The following KCNC2 variants were observed in gnomAD, a reference collection of about 807,000 sequenced individuals.
KCNC2 encodes the protein voltage-gated potassium channel KCNC2.
A neutral mutation model predicts 44.5 loss-of-function variants in KCNC2; 21 were observed. That is an observed-to-expected ratio of 0.47 (90% confidence interval 0.33 to 0.68). The LOEUF (loss-of-function observed/expected upper bound fraction) is 0.68. Among genes scored for constraint, KCNC2 ranks in the 30% least tolerant of loss-of-function variants. The pLI, the probability that KCNC2 is intolerant of heterozygous loss-of-function variation, is 0.01. For synonymous variants in KCNC2, 391 were observed against 339.1 expected (o/e 1.15, Z -1.68); for missense variants, 589 against 826.2 (o/e 0.71, Z 3.52).
At chr12:75,123,269 T>C (rs1333170106) in intron 2 of KCNC2, among the ~76,000 whole-genome samples, 1 of 152,170 alleles carries the variant, frequency 6.6e-6, no homozygotes. Context: ...TCAGCTAGTT[T>C]AATTGGCTTA....
intron 2 of KCNC2, among the ~76,000 whole-genome samples, chr12:75,091,634 T>C (rs971905461): frequency 6.6e-6 from 1 of 151,740 alleles, no homozygotes; most frequent in African/African-American, 2.4e-5. Flanking sequence ...TAGGTTTTTG[T>C]TTAGTTTATT....
intron 2 of KCNC2, among the ~76,000 whole-genome samples, chr12:75,194,855 G>T (rs2030619678): frequency 6.6e-6 from 1 of 152,040 alleles, no homozygotes; most frequent in Admixed American, 6.6e-5. Context: ...ACAAGAAAAT[G>T]GTGTGGTATA....
At chr12:75,151,279 C>T (rs901825218) in intron 2 of KCNC2, among the ~76,000 whole-genome samples, 19 of 152,072 alleles carry the variant, frequency 1.2e-4, no homozygotes, top group Middle Eastern at 3.4e-3. Context: ...AAATAAAGTG[C>T]TCCCCTGAGA....
chr12:75,202,637 T>C lies in KCNC2; in HGVS notation c.687+4660A>G, dbSNP rs764820837. 2.1e-4 allele frequency among the ~76,000 whole-genome samples: 32 copies of C among 151,810 alleles called. 1 individual carries two copies. The highest frequency in any genetic ancestry group is 1.9e-3 in the Admixed American group (29 of 15,228). ...TTTGGTATAAGTACAGTCTTCATTA[T>C]ATTGTAAGGAGAGAGCCTGTAAGTC... is the stretch of plus-strand genomic sequence containing the variant. On this transcript the variant is annotated intron_variant, in intron 2 of 4. Transcript: ENST00000549446.
intron 2 of KCNC2, among the ~76,000 whole-genome samples, chr12:75,204,801 TGG>T: frequency 6.6e-6 from 1 of 152,258 alleles, no homozygotes; most frequent in Non-Finnish European, 1.5e-5. Flanking sequence ...TTAAATAGAA[TGG>T]TGACTTATGA....
chr12:75,190,217 A>G (rs905671694), intron 2 of KCNC2, among the ~76,000 whole-genome samples: 1 of 152,004 alleles, frequency 6.6e-6, no homozygotes, highest in East Asian at 1.9e-4. Flanking sequence ...TCCCATAACT[A>G]CCTCTCTAGG....
intron 2 of KCNC2, among the ~76,000 whole-genome samples, chr12:75,069,772 A>T (rs939230642): frequency 6.6e-6 from 1 of 152,178 alleles, no homozygotes; most frequent in Non-Finnish European, 1.5e-5. Context: ...GGGATAAGTG[A>T]AGCTTTAATT....
intron 2 of KCNC2, among the ~76,000 whole-genome samples, chr12:75,103,934 G>C (rs565221278): frequency 6.6e-6 from 1 of 152,300 alleles, no homozygotes; most frequent in South Asian, 2.1e-4. Flanking sequence ...GATGATAAAT[G>C]CCTACATGAA....
In KCNC2 at chr12:75,043,212, T is replaced by A; in HGVS notation, c.1810A>T (p.Ile604Leu). The change falls in exon 5 of 5, where the codon ATA becomes TTA. Residue 604 changes from isoleucine (I) to leucine (L), a missense_variant. By Grantham distance (5) the Ile-to-Leu change is conservative. Coordinates refer to ENST00000549446, the MANE Select transcript of KCNC2 (RefSeq NM_139137.4). The stretch of plus-strand genomic sequence containing the variant: ...AGAGCATTGCCTGCCAAGCCCGCTA[T>A]GTTGTTTAAGCTTCGGGATTTTTCA... Reference protein sequence around the residue: ...GYEKSRSLNNIAGLAGNALRL... With the variant: ...GYEKSRSLNNLAGLAGNALRL... The A allele has an allele frequency of 6.2e-7, 1 of 1,612,406 alleles. No homozygotes were observed. The highest frequency in any genetic ancestry group is 1.1e-5 in the South Asian group (1 of 91,054).
In KCNC2 at chr12:75,167,394, T is replaced by G. The variant is rs185056207; in HGVS notation, c.687+39903A>C. ...ATGGATTAAAAATAATCTAGCATTT[T>G]TCTCAAAAATATAAAATAAAAGCTT... On this transcript the variant is annotated intron_variant, in intron 2 of 4. Coordinates refer to ENST00000549446, the MANE Select transcript of KCNC2 (RefSeq NM_139137.4). 5.0e-4 allele frequency among the ~76,000 whole-genome samples: 75 copies of G among 151,446 alleles called. 1 individual carries two copies. The East Asian group carries it at 0.014, about 28-fold the overall frequency.
chr12:75,098,944 G>T (rs1008733539), intron 2 of KCNC2, among the ~76,000 whole-genome samples: 1 of 152,012 alleles, frequency 6.6e-6, no homozygotes, highest in Non-Finnish European at 1.5e-5. Flanking sequence ...AACTTGGAAG[G>T]TTCTGTTCTC....
At chr12:75,185,832 G>A (rs1006297644) in intron 2 of KCNC2, among the ~76,000 whole-genome samples, 1 of 151,992 alleles carries the variant, frequency 6.6e-6, no homozygotes, top group African/African-American at 2.4e-5. Context: ...GATCACCTGA[G>A]GTCAGGAGTT....
At chr12:75,122,795 G>A (rs1888136634) in intron 2 of KCNC2, among the ~76,000 whole-genome samples, 1 of 152,002 alleles carries the variant, frequency 6.6e-6, no homozygotes, top group Non-Finnish European at 1.5e-5. Flanking sequence ...AAATCGGAAA[G>A]CGGAAAAGAT....
At chr12:75,107,821 GC>G (rs1218830493) in intron 2 of KCNC2, among the ~76,000 whole-genome samples, 2 of 152,038 alleles carry the variant, frequency 1.3e-5, no homozygotes, top group Admixed American at 1.3e-4. Context: ...CAAAAGAATT[GC>G]TTTTACCTGA....
chr12:75,145,954 A>ATTT (rs10715917), intron 2 of KCNC2, among the ~76,000 whole-genome samples: 1 of 135,966 alleles, frequency 7.4e-6, no homozygotes, highest in African/African-American at 2.8e-5. Context: ...AGTCTTACCA[A>ATTT]TTTTTTTTTT....
intron 2 of KCNC2, among the ~76,000 whole-genome samples, chr12:75,191,615 A>T (rs1443191723): frequency 1.5e-5 from 2 of 134,460 alleles, no homozygotes; most frequent in Non-Finnish European, 3.0e-5. Flanking sequence ...CAGTGGCGCA[A>T]TCTCGGCTCA....
chr12:75,171,593 G>C lies in KCNC2; in HGVS notation c.687+35704C>G, dbSNP rs146835065. ...AAGCTAAGGAAATTAATATCTTGAA[G>C]GTAGTGAGTAGAATGGTGGATATCA... On this transcript the variant is annotated intron_variant, in intron 2 of 4. Transcript: ENST00000549446. Among the ~76,000 whole-genome samples the C allele has an allele frequency of 1.4e-3, 209 of 151,964 alleles. 2 individuals carry two copies. The East Asian group carries it at 0.014, about 10-fold the overall frequency.
At chr12:75,094,085 G>A (rs1359384343) in intron 2 of KCNC2, among the ~76,000 whole-genome samples, 3 of 151,664 alleles carry the variant, frequency 2.0e-5, no homozygotes, top group African/African-American at 7.2e-5. Context: ...TTGAGATTCA[G>A]AGTATTAGAC....
chr12:75,197,680 G>A (rs1034675296), intron 2 of KCNC2, among the ~76,000 whole-genome samples: 32 of 151,984 alleles, frequency 2.1e-4, no homozygotes, highest in African/African-American at 7.7e-4. Context: ...AAAAGCATTA[G>A]AAACTCTGAT....
Sources: gnomAD v4.1 joint callset for allele counts (sites outside exome capture counted in the v4.1 genomes callset) on GRCh38, gnomAD v4.1.1 for gene constraint, MANE v1.5 for transcripts, NCBI Gene and HGNC (gene_info 2026-07-23, HGNC 2026-07-21) for gene names.